Variants in FAM117B observed in about 807,000 individuals in gnomAD.
FAM117B encodes protein FAM117B.
In FAM117B, 22 loss-of-function variants were observed where a neutral mutation model predicts 52.8. The ratio of observed to expected loss-of-function variants is 0.42; its 90% CI spans 0.30 to 0.59. The LOEUF (loss-of-function observed/expected upper bound fraction) is 0.59, where lower values mean the gene tolerates loss of function less well. Among genes scored for constraint, FAM117B ranks in the 20% least tolerant of loss-of-function variants. The probability of loss-of-function intolerance (pLI) is 0.22; values close to 1 mark genes in which losing one functional copy is unlikely to be tolerated. For missense variants in FAM117B, 678 were observed against 802.6 expected (o/e 0.84, Z 1.88); for synonymous variants, 309 against 324.1 (o/e 0.95, Z 0.50).
intron 4 of FAM117B, among the ~76,000 whole-genome samples, chr2:202,738,692 T>TTA: frequency 6.6e-6 from 1 of 152,240 alleles, no homozygotes; most frequent in Non-Finnish European, 1.5e-5. Context: ...CCTGATTCTG[T>TTA]GACCCTAGAT....
intron 1 of FAM117B, among the ~76,000 whole-genome samples, chr2:202,688,171 C>T (rs1219911185): frequency 6.6e-6 from 1 of 151,952 alleles, no homozygotes; most frequent in East Asian, 1.9e-4. Flanking sequence ...CCTTTTTTGG[C>T]ATTTGATTAT....
intron 4 of FAM117B, 89 bp from the exon 5 acceptor site, chr2:202,755,449 T>G (rs1691786712): frequency 1.9e-5 from 28 of 1,477,716 alleles, no homozygotes; most frequent in Non-Finnish European, 2.3e-5. Context: ...GATTTATTTT[T>G]GAGTTACTTA....
rs1324092750 is a variant in FAM117B at position 202,635,085 on chromosome 2, C to T, written c.-103C>T. The T allele has an allele frequency of 1.6e-6, 2 of 1,242,358 alleles. No individual in the cohort carries two copies. Among genetic ancestry groups the T allele is most frequent in the East Asian group, 3.2e-5 (1 of 31,660 alleles). The allele number at this position is 1,242,358 out of a possible 1,614,324, so 77.0% of individuals were successfully genotyped here. A position where few individuals can be genotyped will look rare whatever the true frequency, so the allele number is the denominator to read the frequency against. ...GCACCCCGGAGTCCGGCTTCGTCAC[C>T]CCGTCTTGGGGGGCCTGCCCTCCGG... On this transcript the variant is annotated 5_prime_UTR_variant, in exon 1 of 8. Coordinates refer to ENST00000392238, the MANE Select transcript of FAM117B (RefSeq NM_173511.4).
At chr2:202,748,467 GA>G (rs1258443829) in intron 4 of FAM117B, among the ~76,000 whole-genome samples, 3 of 152,004 alleles carry the variant, frequency 2.0e-5, no homozygotes, top group Non-Finnish European at 4.4e-5. Flanking sequence ...TACAGCAAAG[GA>G]AACAACAGAG....
At chr2:202,699,426 CAAAAAAAAA>C (rs751190825) in intron 2 of FAM117B, among the ~76,000 whole-genome samples, 4 of 17,912 alleles carry the variant, frequency 2.2e-4, no homozygotes, top group African/African-American at 7.2e-4. Context: ...GACCCCATCT[CAAAAAAAAA>C]AAAAAAAAAA....
intron 4 of FAM117B, among the ~76,000 whole-genome samples, chr2:202,744,919 A>G (rs374316508): frequency 2.2e-4 from 28 of 129,700 alleles, no homozygotes; most frequent in South Asian, 1.0e-3. Context: ...AGAGGTTGCA[A>G]TGAGCCAAGA....
chr2:202,753,620 CAG>C (rs1316817101), intron 4 of FAM117B, among the ~76,000 whole-genome samples: 1 of 152,004 alleles, frequency 6.6e-6, no homozygotes, highest in African/African-American at 2.4e-5. Flanking sequence ...ACCCATCTGA[CAG>C]AGGTTTAATA....
intron 4 of FAM117B, among the ~76,000 whole-genome samples, chr2:202,729,031 C>T (rs1574572200): frequency 1.3e-5 from 2 of 152,230 alleles, no homozygotes; most frequent in Admixed American, 1.3e-4. Flanking sequence ...GACAGTAGTA[C>T]TCATGTTTAA....
At chr2:202,641,762 C>T (rs1356392517) in intron 1 of FAM117B, among the ~76,000 whole-genome samples, 1 of 151,684 alleles carries the variant, frequency 6.6e-6, no homozygotes, top group Non-Finnish European at 1.5e-5. Context: ...CCTCAACCTC[C>T]TGAGTAGCTG....
rs758776023 is a variant in FAM117B, at chr2:202,635,356, A to AGCGGCG, written c.184_189dup (p.Gly62_Gly63dup). 4.9e-5 allele frequency: 68 copies of AGCGGCG among 1,375,636 alleles called. No homozygotes were observed. Among genetic ancestry groups the AGCGGCG allele is most frequent in the East Asian group, 4.0e-4 (13 of 32,468 alleles). 85.2% of individuals were successfully genotyped at this position (1,375,636 alleles called of 1,614,324 possible). Reference sequence around the variant, plus strand: ...GCAGCAACATGGCAGCCCCACGCGGAGCGGCGGCGGCGGCGGCGGCAACAA... The same window carrying AGCGGCG: ...GCAGCAACATGGCAGCCCCACGCGGAGCGGCGGCGGCGGCGGCGGCGGCGGCAACAA... On this transcript the variant is annotated inframe_insertion, in exon 1 of 8. Transcript: ENST00000392238.
intron 4 of FAM117B, among the ~76,000 whole-genome samples, chr2:202,751,164 A>G (rs1691714877): frequency 6.6e-6 from 1 of 152,234 alleles, no homozygotes. Context: ...ATTATTTTAC[A>G]ATTCACCTAA....
chr2:202,764,690 A>G (rs969021579), intron 7 of FAM117B, among the ~76,000 whole-genome samples: 2 of 152,086 alleles, frequency 1.3e-5, no homozygotes, highest in Non-Finnish European at 2.9e-5. Context: ...GTTTTTTTAT[A>G]CTTTTAATTT....
At chr2:202,672,930 T>G (rs528276834) in intron 1 of FAM117B, among the ~76,000 whole-genome samples, 11 of 152,106 alleles carry the variant, frequency 7.2e-5, no homozygotes, top group Non-Finnish European at 1.3e-4. Flanking sequence ...CACCTGTAGT[T>G]CCAGCTACTC....
chr2:202,656,609 A>G (rs1018396752), intron 1 of FAM117B, among the ~76,000 whole-genome samples: 1 of 152,138 alleles, frequency 6.6e-6, no homozygotes, highest in African/African-American at 2.4e-5. Context: ...GTTGAGGTTT[A>G]TGTCCCAGGA....
At chr2:202,661,919 TAAA>T (rs201631446) in intron 1 of FAM117B, among the ~76,000 whole-genome samples, 5 of 88,690 alleles carry the variant, frequency 5.6e-5, no homozygotes, top group African/African-American at 7.7e-5. Context: ...AGATTCCATC[TAAA>T]AAAAAAAAAA....
At chr2:202,655,117 CAT>C (rs1456849372) in intron 1 of FAM117B, among the ~76,000 whole-genome samples, 1 of 152,102 alleles carries the variant, frequency 6.6e-6, no homozygotes, top group Non-Finnish European at 1.5e-5. Flanking sequence ...TTCAGAATGT[CAT>C]ATGAATGAGT....
At chr2:202,754,871 CAG>C (rs1340190847) in intron 4 of FAM117B, among the ~76,000 whole-genome samples, 1 of 106,662 alleles carries the variant, frequency 9.4e-6, no homozygotes, top group Non-Finnish European at 1.7e-5. Flanking sequence ...ACCTGGGTGA[CAG>C]AGTGAGATTC....
chr2:202,675,237 AAAC>A (rs990477608), intron 1 of FAM117B, among the ~76,000 whole-genome samples: 12 of 151,368 alleles, frequency 7.9e-5, no homozygotes, highest in Admixed American at 3.9e-4. Flanking sequence ...TAAAAAAAAA[AAAC>A]AACAACAAAA....
At chr2:202,755,944 A>G (rs1691795101) in intron 5 of FAM117B, among the ~76,000 whole-genome samples, 1 of 152,210 alleles carries the variant, frequency 6.6e-6, no homozygotes, top group Non-Finnish European at 1.5e-5. Flanking sequence ...CCATTAGGTG[A>G]TATACTTCTT....
Sources: allele counts gnomAD v4.1 joint callset (sites outside exome capture counted in the v4.1 genomes callset), GRCh38; gene constraint gnomAD v4.1.1; transcripts MANE v1.5; gene names NCBI Gene and HGNC (gene_info 2026-07-23, HGNC 2026-07-21).